ARMC9: variants seen among roughly 807,000 people sequenced by gnomAD.
ARMC9 encodes armadillo repeat containing 9.
Under a neutral mutation model 107.0 loss-of-function variants are expected in ARMC9, and 94 were observed. That is an observed-to-expected ratio of 0.88 (90% CI 0.74 to 1.04). ARMC9 has a LOEUF of 1.04. ARMC9 is among the 50% of genes least tolerant of loss of function. ARMC9 has a pLI of 0.00. For synonymous variants in ARMC9, 380 were observed against 396.9 expected (o/e 0.96, Z 0.51); for missense variants, 942 against 1,030.1 (o/e 0.91, Z 1.17).
chr2:231,325,205 G>A lies in ARMC9; in HGVS notation c.1774-6588G>A, dbSNP rs116714217. ...TACGCCACTGCTTTCCAGCATGGGA[G>A]ACAGAGCAAGAGACCCTGTCTCAGA... On this transcript the variant is annotated intron_variant, in intron 19 of 24. Coordinates refer to ENST00000611582, the MANE Select transcript of ARMC9 (RefSeq NM_001352754.2). Among the ~76,000 whole-genome samples the A allele has an allele frequency of 2.3e-3, 343 of 152,296 alleles. 2 individuals are homozygous for A. The highest frequency in any genetic ancestry group is 8.0e-3 in the African/African-American group (332 of 41,576).
At chr2:231,288,910 T>A (rs1036752347) in intron 17 of ARMC9, among the ~76,000 whole-genome samples, 1 of 152,224 alleles carries the variant, frequency 6.6e-6, no homozygotes, top group African/African-American at 2.4e-5. Context: ...TATGATTATC[T>A]TTATGGTAGT....
chr2:231,339,063 C>A (rs1055793905), intron 20 of ARMC9, among the ~76,000 whole-genome samples: 1 of 152,158 alleles, frequency 6.6e-6, no homozygotes, highest in African/African-American at 2.4e-5. Flanking sequence ...GGTGTGGTGG[C>A]TCACGCCTGT....
At chr2:231,343,585 T>C (rs1424208168) in intron 20 of ARMC9, among the ~76,000 whole-genome samples, 2 of 152,136 alleles carry the variant, frequency 1.3e-5, no homozygotes, top group Non-Finnish European at 2.9e-5. Flanking sequence ...TCCACAGACT[T>C]TATTCACATT....
At chr2:231,325,644 G>A (rs1410870944) in intron 19 of ARMC9, among the ~76,000 whole-genome samples, 1 of 152,080 alleles carries the variant, frequency 6.6e-6, no homozygotes, top group African/African-American at 2.4e-5. Context: ...GGTTCACAAG[G>A]AGTACTCATT....
chr2:231,216,905 A>G (rs914461777), intron 5 of ARMC9, 112 bp downstream of exon 5: 8 of 1,251,762 alleles, frequency 6.4e-6, no homozygotes, highest in Middle Eastern at 2.0e-4. Flanking sequence ...ATTTGCTTAC[A>G]TTAGTATTAT....
intron 9 of ARMC9, chr2:231,256,048 CAAAA>C (rs1284251759): frequency 6.6e-7 from 1 of 1,507,092 alleles, no homozygotes; most frequent in Non-Finnish European, 8.9e-7. Flanking sequence ...TCAAAAAAAA[CAAAA>C]ACAAAAAAAC....
intron 19 of ARMC9, among the ~76,000 whole-genome samples, chr2:231,329,042 T>C (rs1298501798): frequency 2.6e-5 from 4 of 151,772 alleles, no homozygotes; most frequent in Non-Finnish European, 5.9e-5. Flanking sequence ...AGAATGGTCT[T>C]GATCTCCTGA....
chr2:231,255,434 T>G lies in ARMC9; in HGVS notation c.880-1152T>G, dbSNP rs1425950187. ...AGAATAATATAATGATTCATATTGC[T>G]TTTGTTCTTCACAATGTATTTAACT... On this transcript the variant is annotated intron_variant, in intron 9 of 24. Coordinates refer to ENST00000611582, the MANE Select transcript of ARMC9 (RefSeq NM_001352754.2). The surrounding 1 kb of genome is among the most constrained non-coding windows in gnomAD (Gnocchi z 4.7). 6.6e-6 allele frequency among the ~76,000 whole-genome samples: 1 copy of G among 152,208 alleles called. No homozygotes were observed. The highest frequency in any genetic ancestry group is 1.5e-5 in the Non-Finnish European group (1 of 68,030).
At chr2:231,336,576 C>T (rs1210991688) in intron 20 of ARMC9, among the ~76,000 whole-genome samples, 2 of 152,186 alleles carry the variant, frequency 1.3e-5, no homozygotes, top group African/African-American at 4.8e-5. Flanking sequence ...TCTATGTTTT[C>T]GTCACAGACT....
At chr2:231,267,254 A>G (rs898347664) in intron 12 of ARMC9, among the ~76,000 whole-genome samples, 5 of 151,906 alleles carry the variant, frequency 3.3e-5, no homozygotes, top group African/African-American at 1.2e-4. Context: ...ATTTTTTGAG[A>G]CAGTCTCGCT....
Position 231,235,286 on chromosome 2 carries a change from A to G in ARMC9, c.685A>G (p.Lys229Glu), listed in dbSNP as rs1484068325. ...EAERRSVTYL[K>E]RYNKIQADYH... The stretch of plus-strand genomic sequence containing the variant: ...TGAACGTAGGTCAGTGACATACCTC[A>G]AACGGTACAATAAGATCCAGGCCGA... Residue 229 changes from lysine to glutamate, a missense_variant, in exon 8 of 25, where the codon AAA becomes GAA. Physicochemically the swap from Lys to Glu is moderately conservative, Grantham distance 56. Coordinates refer to ENST00000611582, the MANE Select transcript of ARMC9 (RefSeq NM_001352754.2). 7.4e-6 allele frequency: 12 copies of G among 1,614,132 alleles called. No individual in the cohort carries two copies. Among genetic ancestry groups the G allele is most frequent in the Non-Finnish European group, 1.0e-5 (12 of 1,180,048 alleles).
intron 7 of ARMC9, among the ~76,000 whole-genome samples, chr2:231,229,431 C>G (rs1406167249): frequency 1.3e-5 from 2 of 152,192 alleles, no homozygotes; most frequent in Non-Finnish European, 2.9e-5. Flanking sequence ...GCACTTGCAG[C>G]AGAAACTTCT....
At chr2:231,241,618 T>C (rs2036312667) in intron 9 of ARMC9, among the ~76,000 whole-genome samples, 2 of 152,150 alleles carry the variant, frequency 1.3e-5, no homozygotes, top group Admixed American at 6.5e-5. Context: ...GCCTTTCTTT[T>C]AGTATTTAAA....
rs1317164946 is a variant in ARMC9, at chr2:231,330,292, A to G, written c.1774-1501A>G. ...ACCCAGACTGAAGTACGATGGCGCA[A>G]TTTCGTCTTCTAATTACTGCCAGGT... On this transcript the variant is annotated intron_variant, in intron 19 of 24. Coordinates refer to ENST00000611582, the MANE Select transcript of ARMC9 (RefSeq NM_001352754.2). Among the ~76,000 whole-genome samples the G allele has an allele frequency of 2.0e-5, 3 of 147,770 alleles. No homozygotes were observed. The East Asian group carries it at 5.9e-4, about 29-fold the overall frequency.
chr2:231,351,998 C>T lies in ARMC9; in HGVS notation c.1995-3800C>T, dbSNP rs151190963. Among the ~76,000 whole-genome samples the T allele has an allele frequency of 4.2e-3, 641 of 152,134 alleles. 5 individuals carry two copies. Among genetic ancestry groups the T allele is most frequent in the African/African-American group, 0.015 (604 of 41,500 alleles). On this transcript the variant is annotated intron_variant, in intron 21 of 24. Transcript: ENST00000611582. ...TTGGTTTTGTTTTAAGACAGCATCT[C>T]GCTCTGTCACCCCGGCTGGAGTATA...
At chr2:231,201,424 T>A (rs1355233254) in intron 1 of ARMC9, among the ~76,000 whole-genome samples, 1 of 152,226 alleles carries the variant, frequency 6.6e-6, no homozygotes, top group Non-Finnish European at 1.5e-5. Flanking sequence ...TTTTGGGGGT[T>A]TCCACATCCT....
chr2:231,365,779 C>T (rs1307865363), intron 23 of ARMC9, among the ~76,000 whole-genome samples: 2 of 152,170 alleles, frequency 1.3e-5, no homozygotes, highest in Admixed American at 6.5e-5. Context: ...TCCTCGGCCT[C>T]CTGGGGCTTC....
intron 17 of ARMC9, chr2:231,288,610 G>C (rs991951388): frequency 4.2e-6 from 2 of 471,058 alleles, no homozygotes; most frequent in Admixed American, 2.3e-5. Flanking sequence ...TGTTCAGTGC[G>C]TGTTGTCAGG....
intron 17 of ARMC9, among the ~76,000 whole-genome samples, chr2:231,282,508 G>A (rs1003588645): frequency 3.9e-5 from 6 of 152,190 alleles, no homozygotes; most frequent in African/African-American, 1.4e-4. Context: ...GCTTGTATGT[G>A]AAGTAAAAAG....
Sources: allele counts gnomAD v4.1 joint callset (sites outside exome capture counted in the v4.1 genomes callset), GRCh38; gene constraint gnomAD v4.1.1; non-coding constraint Gnocchi (gnomAD v3.1); transcripts MANE v1.5; gene names NCBI Gene and HGNC (gene_info 2026-07-23, HGNC 2026-07-21).